The following RNF150 variants were observed in gnomAD, a reference collection of about 807,000 sequenced individuals.
RNF150 encodes the protein ring finger protein 150.
RNF150 carries 24 observed loss-of-function variants against 39.3 expected under a neutral mutation model. That is an observed-to-expected ratio of 0.61 (90% CI 0.44 to 0.86). The LOEUF is 0.86. Among genes scored for constraint, RNF150 ranks in the 40% least tolerant of loss-of-function variants. The pLI is 0.00. For synonymous variants in RNF150, 255 were observed against 227.3 expected, an observed-to-expected ratio of 1.12 and a Z score of -1.10; for missense variants, 502 against 587.8, an observed-to-expected ratio of 0.85 and a Z score of 1.51.
upstream of RNF150, among the ~76,000 whole-genome samples, chr4:141,136,591 AC>A (rs149881608): frequency 0.036 from 5,433 of 152,142 alleles, 124 homozygotes; most frequent in South Asian, 0.059. Context: ...TTGCTATACC[AC>A]CCCCCAAATA....
chr4:141,016,838 G>A (rs192890154), intron 1 of RNF150, among the ~76,000 whole-genome samples: 1 of 152,066 alleles, frequency 6.6e-6, no homozygotes, highest in African/African-American at 2.4e-5. Flanking sequence ...ACATTAGGGG[G>A]TCTGTCCAGA....
In RNF150 at chr4:141,121,763, TA is replaced by T. The variant is rs199842758; in HGVS notation, c.484+10561del. Among the ~76,000 whole-genome samples the T allele has an allele frequency of 2.6e-5, 4 of 152,156 alleles. No individual in the cohort carries two copies. In the South Asian group the frequency reaches 6.2e-4, roughly 24 times the overall value. ...CGATCCTTATAGTTCTCGGGAAATT[TA>T]AAAAAAATTAAAATTTTATTCACGT... On this transcript the variant is annotated intron_variant, in intron 1 of 6. Transcript: ENST00000515673.
chr4:140,884,065 T>C (rs760120873), intron 6 of RNF150, among the ~76,000 whole-genome samples: 1 of 152,164 alleles, frequency 6.6e-6, no homozygotes, highest in Non-Finnish European at 1.5e-5. Context: ...AAGTCTGCTG[T>C]TAATCTCCCT....
chr4:141,136,859 T>A (rs1727036155), upstream of RNF150, among the ~76,000 whole-genome samples: 1 of 152,242 alleles, frequency 6.6e-6, no homozygotes, highest in Admixed American at 6.5e-5. Flanking sequence ...GTAACCTATG[T>A]CACATAAGGT....
At chr4:141,186,320 A>G (rs1254553636) in intron 1 of RNF150, among the ~76,000 whole-genome samples, 2 of 152,146 alleles carry the variant, frequency 1.3e-5, no homozygotes, top group Non-Finnish European at 2.9e-5. Flanking sequence ...ATTTGCATAG[A>G]GGTGTTCATA....
chr4:141,051,548 T>C (rs1348484711), intron 1 of RNF150, among the ~76,000 whole-genome samples: 1 of 152,148 alleles, frequency 6.6e-6, no homozygotes, highest in African/African-American at 2.4e-5. Flanking sequence ...CTCTGTCAAG[T>C]TCAAAGTTCC....
chr4:141,000,035 G>GAAAAGAAGAAAAGAAGAA (rs1560679132), intron 1 of RNF150, among the ~76,000 whole-genome samples: 5 of 49,508 alleles, frequency 1.0e-4, no homozygotes, highest in Non-Finnish European at 2.1e-4. Context: ...AGAAGAAGAA[G>GAAAAGAAGAAAAGAAGAA]AAGAAGAAGA....
intron 1 of RNF150, among the ~76,000 whole-genome samples, chr4:141,122,623 T>C (rs1472116056): frequency 6.6e-6 from 1 of 152,258 alleles, no homozygotes; most frequent in Non-Finnish European, 1.5e-5. Flanking sequence ...GAATGTTTAC[T>C]GCAGCACTGT....
chr4:140,945,284 C>T (rs1156788194), intron 4 of RNF150, among the ~76,000 whole-genome samples: 1 of 151,580 alleles, frequency 6.6e-6, no homozygotes, highest in Non-Finnish European at 1.5e-5. Context: ...CTGTGGTAAA[C>T]ATTAAAATGC....
At chr4:141,085,875 A>G (rs1738343865) in intron 1 of RNF150, among the ~76,000 whole-genome samples, 1 of 152,192 alleles carries the variant, frequency 6.6e-6, no homozygotes, top group South Asian at 2.1e-4. Context: ...AAGAAGAAAA[A>G]TCATTTTTAA....
intron 1 of RNF150, among the ~76,000 whole-genome samples, chr4:141,200,446 G>T (rs373030688): frequency 6.6e-6 from 1 of 151,242 alleles, no homozygotes; most frequent in East Asian, 2.0e-4. Context: ...ATCACATTGG[G>T]ATACAGACTG....
chr4:140,870,924 G>A (rs1728909077), intron 6 of RNF150, among the ~76,000 whole-genome samples: 1 of 151,088 alleles, frequency 6.6e-6, no homozygotes, highest in African/African-American at 2.4e-5. Flanking sequence ...GCTTCATATG[G>A]CAGGTCCACT....
At position 140,952,487 on chromosome 4, in the gene RNF150, A is replaced by T. The variant is rs376678379; in HGVS notation, c.736-3115T>A. On this transcript the variant is annotated intron_variant, in intron 2 of 6. Transcript: ENST00000515673. Reference sequence around the variant, plus strand: ...TGTATTTAACTTAACTGTTGGCTACATCTGAATAAAAATAGATGGCTTTTG... The same window carrying T: ...TGTATTTAACTTAACTGTTGGCTACTTCTGAATAAAAATAGATGGCTTTTG... Among the ~76,000 whole-genome samples, 10 of 152,326 alleles carry T rather than the reference A, an allele frequency of 6.6e-5. No homozygotes were observed. In the East Asian group the frequency reaches 1.7e-3, roughly 26 times the overall value.
intron 1 of RNF150, among the ~76,000 whole-genome samples, chr4:141,157,330 C>T (rs1727432165): frequency 6.6e-6 from 1 of 152,112 alleles, no homozygotes; most frequent in Non-Finnish European, 1.5e-5. Context: ...TGTCAGATCC[C>T]TTTGGCCTGG....
intron 6 of RNF150, among the ~76,000 whole-genome samples, chr4:140,895,735 T>C (rs1055226381): frequency 6.6e-6 from 1 of 152,216 alleles, no homozygotes; most frequent in African/African-American, 2.4e-5. Flanking sequence ...GTTAATTTTA[T>C]GACACCAAAG....
At chr4:140,967,932 C>T in intron 1 of RNF150, 59 bp from the exon 2 acceptor site, 1 of 1,481,266 alleles carries the variant, frequency 6.8e-7, no homozygotes, top group Non-Finnish European at 9.4e-7. Flanking sequence ...ATGGGGGATC[C>T]CAGTGAGATG....
intron 1 of RNF150, among the ~76,000 whole-genome samples, chr4:141,023,654 T>C (rs1735584204): frequency 6.6e-6 from 1 of 152,206 alleles, no homozygotes; most frequent in South Asian, 2.1e-4. Flanking sequence ...TCTCTTTTTA[T>C]ACTAAGTCTT....
At chr4:140,896,707 AAC>A (rs1560953150) in intron 6 of RNF150, among the ~76,000 whole-genome samples, 13 of 88,340 alleles carry the variant, frequency 1.5e-4, no homozygotes, top group African/African-American at 4.2e-4. Flanking sequence ...AAAACAAAAA[AAC>A]AAACAAACAA....
At chr4:141,180,149 T>G (rs1011165130) in intron 1 of RNF150, among the ~76,000 whole-genome samples, 3 of 152,216 alleles carry the variant, frequency 2.0e-5, no homozygotes, top group Non-Finnish European at 4.4e-5. Context: ...TGATGTTTAT[T>G]CAGTGGCTCA....
Sources: allele counts gnomAD v4.1 joint callset (sites outside exome capture counted in the v4.1 genomes callset), GRCh38; gene constraint gnomAD v4.1.1; transcripts MANE v1.5; gene names NCBI Gene and HGNC (gene_info 2026-07-23, HGNC 2026-07-21).